The following EVC2 variants were observed in gnomAD, a reference collection of about 807,000 sequenced individuals.
EVC2 encodes EvC ciliary complex subunit 2, also known as limbin.
EVC2 carries 148 observed loss-of-function variants against 149.3 expected under a neutral mutation model. The ratio of observed to expected loss-of-function variants is 0.99; its 90% CI spans 0.87 to 1.14. The LOEUF (loss-of-function observed/expected upper bound fraction) is 1.14. Ranked by LOEUF, EVC2 falls within the 50% of genes most tolerant of loss-of-function variation. The pLI is 0.00. For missense variants in EVC2, 1,854 were observed against 1,627.3 expected, an observed-to-expected ratio of 1.14 and a Z score of -2.40; for synonymous variants, 776 against 649.9, an observed-to-expected ratio of 1.19 and a Z score of -2.95.
rs774570139 is a variant in EVC2, at chr4:5,679,666, G to A, written c.870+1594C>T. On this transcript the variant is annotated intron_variant, in intron 7 of 21. Transcript: ENST00000344408. The surrounding 1 kb of genome is among the most constrained non-coding windows in gnomAD (Gnocchi z 5.1). Reference sequence around the variant, plus strand: ...AAGTTCTGGGATACATATGCAGAACGTGCAGGTTTGTTACATAGGTATACA... The same window carrying A: ...AAGTTCTGGGATACATATGCAGAACATGCAGGTTTGTTACATAGGTATACA... 7.9e-5 allele frequency among the ~76,000 whole-genome samples: 12 copies of A among 151,770 alleles called. No homozygotes were observed. The highest frequency in any genetic ancestry group is 1.5e-4 in the African/African-American group (6 of 41,288).
chr4:5,532,995 C>T, the EVC2 span, among the ~76,000 whole-genome samples: 1 of 151,028 alleles, frequency 6.6e-6, no homozygotes, highest in East Asian at 1.9e-4. Context: ...CTTATTCACT[C>T]ATTCATTCAG....
intron 7 of EVC2, among the ~76,000 whole-genome samples, chr4:5,674,716 G>A (rs1471500542): frequency 2.6e-5 from 4 of 152,142 alleles, no homozygotes; most frequent in East Asian, 3.9e-4. Flanking sequence ...CAGTGGCCCC[G>A]AGAGATGGTT....
chr4:5,689,453 A>G (rs1442545500), intron 4 of EVC2, 110 bp from the exon 5 acceptor site: 14 of 1,096,422 alleles, frequency 1.3e-5, no homozygotes, highest in Non-Finnish European at 1.9e-5. Flanking sequence ...GAAGGAGGGT[A>G]GCACGGTCTC....
Position 5,618,414 on chromosome 4 carries a change from T to G in EVC2, c.2706+64A>C. The G allele has an allele frequency of 6.3e-7, 1 of 1,595,486 alleles. No homozygotes were observed. Among genetic ancestry groups the G allele is most frequent in the Non-Finnish European group, 8.6e-7 (1 of 1,166,270 alleles). ...TCAGGCTGGGGAAGAGGCCAGACCC[T>G]GTAGGGCCAGCAGCTGGGAGACGGC... On this transcript the variant is annotated intron_variant, in intron 15 of 21. Transcript: ENST00000344408. This position sits in a 1 kb window ranked among gnomAD's most constrained non-coding sequence, Gnocchi z 4.4.
At chr4:5,665,027 T>TGTGGGTGATGGGATGCCC (rs1420676048) in intron 8 of EVC2, among the ~76,000 whole-genome samples, 5 of 150,574 alleles carry the variant, frequency 3.3e-5, no homozygotes, top group Non-Finnish European at 4.4e-5. Context: ...ACGGGATGCG[T>TGTGGGTGATGGGATGCCC]GTGGGTGATG....
At chr4:5,709,542 T>C (rs1329684760), upstream of EVC2, 1 of 152,210 alleles carries the variant, frequency 6.6e-6, no homozygotes, top group East Asian at 1.9e-4. Flanking sequence ...AAGCTGAGAA[T>C]TTATAAGCCA....
intron 10 of EVC2, among the ~76,000 whole-genome samples, chr4:5,638,879 C>T (rs2108860972): frequency 6.6e-6 from 1 of 152,218 alleles, no homozygotes; most frequent in Non-Finnish European, 1.5e-5. Flanking sequence ...TGGAAGGATC[C>T]TACTGACAAC....
chr4:5,614,038 T>G lies in EVC2; in HGVS notation c.2829+1384A>C, dbSNP rs1560165342. On this transcript the variant is annotated intron_variant, in intron 16 of 21. Coordinates refer to ENST00000344408, the MANE Select transcript of EVC2 (RefSeq NM_147127.5). This position sits in a 1 kb window ranked among gnomAD's most constrained non-coding sequence, Gnocchi z 4.7. ...GAACAAAAACAGCAGCTCTAAAGCA[T>G]GGCTTCATACATTCATTCACTGAAC... Among the ~76,000 whole-genome samples the G allele has an allele frequency of 6.6e-6, 1 of 152,312 alleles. No individual in the cohort carries two copies. The highest frequency in any genetic ancestry group is 1.5e-5 in the Non-Finnish European group (1 of 68,022).
chr4:5,686,053 T>C lies in EVC2; in HGVS notation c.707-574A>G, dbSNP rs1720682081. On this transcript the variant is annotated intron_variant, in intron 5 of 21. Coordinates refer to ENST00000344408, the MANE Select transcript of EVC2 (RefSeq NM_147127.5). The surrounding 1 kb of genome is among the most constrained non-coding windows in gnomAD (Gnocchi z 5.4). Reference sequence around the variant, plus strand: ...GACCTCAAAAATATATATAGATACATATATACACACATATATAACATATAT... The same window carrying C: ...GACCTCAAAAATATATATAGATACACATATACACACATATATAACATATAT... Among the ~76,000 whole-genome samples the C allele has an allele frequency of 6.6e-6, 1 of 151,266 alleles. No homozygotes were observed. The highest frequency in any genetic ancestry group is 1.5e-5 in the Non-Finnish European group (1 of 67,932).
chr4:5,565,092 C>T (rs553972613), intron 21 of EVC2, among the ~76,000 whole-genome samples, 166 bp downstream of exon 21: 32 of 152,316 alleles, frequency 2.1e-4, no homozygotes, highest in African/African-American at 7.0e-4. Context: ...TCATCTTCAG[C>T]TTCTAAACTC....
intron 16 of EVC2, among the ~76,000 whole-genome samples, chr4:5,593,176 A>G (rs1256462104): frequency 6.6e-6 from 1 of 152,126 alleles, no homozygotes; most frequent in Non-Finnish European, 1.5e-5. Flanking sequence ...TAAATCACCC[A>G]GTCTCGGGTA....
At chr4:5,691,394 TAA>T in intron 3 of EVC2, 61 bp from the exon 4 acceptor site, 1 of 1,375,320 alleles carries the variant, frequency 7.3e-7, no homozygotes, top group Non-Finnish European at 1.0e-6. Flanking sequence ...ACATATTTAA[TAA>T]AAGTACAAGA....
chr4:5,662,644 A>G (rs1284255525), intron 9 of EVC2, among the ~76,000 whole-genome samples: 1 of 145,844 alleles, frequency 6.9e-6, no homozygotes, highest in Non-Finnish European at 1.5e-5. Context: ...AATATAATAT[A>G]TTAATTATAT....
At chr4:5,581,213 G>A (rs146541206) in intron 17 of EVC2, among the ~76,000 whole-genome samples, 274 of 152,280 alleles carry the variant, frequency 1.8e-3, no homozygotes, top group African/African-American at 6.2e-3. Context: ...ACTGAGGAGT[G>A]GACATTTCTA....
rs1714986861 is a variant in EVC2, at chr4:5,613,201, C to T, written c.2829+2221G>A. On this transcript the variant is annotated intron_variant, in intron 16 of 21. Coordinates refer to ENST00000344408, the MANE Select transcript of EVC2 (RefSeq NM_147127.5). The surrounding 1 kb of genome is among the most constrained non-coding windows in gnomAD (Gnocchi z 4.6). ...GAGCAGGTTCCTCCACGGGGCTGCT[C>T]CCCCATCCACTGGCCATGACCCAGC... Among the ~76,000 whole-genome samples the T allele has an allele frequency of 6.6e-6, 1 of 152,060 alleles. No homozygotes were observed. The highest frequency in any genetic ancestry group is 1.5e-5 in the Non-Finnish European group (1 of 68,032).
At chr4:5,665,798 G>A in intron 7 of EVC2, 149 bp from the exon 8 acceptor site, 1 of 1,254,424 alleles carries the variant, frequency 8.0e-7, no homozygotes, top group Non-Finnish European at 1.1e-6. Flanking sequence ...CCAGCTGGCT[G>A]CCTGGAGGCC....
intron 16 of EVC2, among the ~76,000 whole-genome samples, chr4:5,610,241 TAC>T (rs1181985862): frequency 2.0e-5 from 3 of 152,172 alleles, no homozygotes; most frequent in Non-Finnish European, 2.9e-5. Flanking sequence ...GGCTCATATG[TAC>T]ACACACACAT....
intron 1 of EVC2, among the ~76,000 whole-genome samples, chr4:5,699,700 A>G (rs1577272211): frequency 6.6e-6 from 1 of 151,864 alleles, no homozygotes; most frequent in Non-Finnish European, 1.5e-5. Context: ...ACATGCCTAT[A>G]CTCCCAGCTA....
chr4:5,569,461 G>C lies in EVC2; in HGVS notation c.3361-821C>G, dbSNP rs972009040. Among the ~76,000 whole-genome samples, 12 of 152,174 alleles carry C rather than the reference G, an allele frequency of 7.9e-5. No individual in the cohort carries two copies. The highest frequency in any genetic ancestry group is 2.9e-4 in the African/African-American group (12 of 41,450). On this transcript the variant is annotated intron_variant, in intron 19 of 21. Transcript: ENST00000344408. This position sits in a 1 kb window ranked among gnomAD's most constrained non-coding sequence, Gnocchi z 4.8. ...TGAAACTCTCTGAAACTCTATACTA[G>C]CTTTGTAACTTCTTGTGAATCTAAA... is the stretch of plus-strand genomic sequence containing the variant.
Sources: gnomAD v4.1 joint callset for allele counts (sites outside exome capture counted in the v4.1 genomes callset) on GRCh38, gnomAD v4.1.1 for gene constraint, Gnocchi (gnomAD v3.1) non-coding constraint, MANE v1.5 for transcripts, NCBI Gene and HGNC (gene_info 2026-07-23, HGNC 2026-07-21) for gene names.